Variants in COBL observed in about 807,000 individuals in gnomAD.
The protein encoded by COBL is protein cordon-bleu.
Under a neutral mutation model 98.8 loss-of-function variants are expected in COBL, and 51 were observed. The ratio of observed to expected loss-of-function variants is 0.52; its 90% CI spans 0.41 to 0.65. The LOEUF is 0.65. COBL is among the 30% of genes least tolerant of loss of function. The probability of loss-of-function intolerance (pLI) is 0.00; values close to 1 mark genes in which losing one functional copy is unlikely to be tolerated. For synonymous variants in COBL, 634 were observed against 651.7 expected, an observed-to-expected ratio of 0.97 and a Z score of 0.41; for missense variants, 1,617 against 1,617.5, an observed-to-expected ratio of 1.00 and a Z score of 0.01.
chr7:51,119,816 T>C (rs558389830), intron 6 of COBL, among the ~76,000 whole-genome samples: 8 of 152,364 alleles, frequency 5.3e-5, no homozygotes, highest in Admixed American at 2.6e-4. Flanking sequence ...TATTAATACA[T>C]TAACTCTTCA....
intron 6 of COBL, among the ~76,000 whole-genome samples, chr7:51,128,243 T>C (rs1333929542): frequency 6.6e-6 from 1 of 152,212 alleles, no homozygotes; most frequent in African/African-American, 2.4e-5. Flanking sequence ...GAGACTCAGT[T>C]TCCACAACTC....
intron 8 of COBL, chr7:51,032,242 G>A (rs1429602279): frequency 6.6e-6 from 1 of 152,214 alleles, no homozygotes; most frequent in Non-Finnish European, 1.5e-5. Context: ...CCAGGAAGAT[G>A]TCAACCCGTC....
intron 7 of COBL, among the ~76,000 whole-genome samples, chr7:51,082,099 C>T (rs1408431117): frequency 6.6e-6 from 1 of 152,040 alleles, no homozygotes; most frequent in Non-Finnish European, 1.5e-5. Context: ...ATCTTCTTTA[C>T]CCAGAAGCTG....
At chr7:51,136,389 T>C in intron 5 of COBL, 58 bp from the exon 6 acceptor site, 1 of 1,516,776 alleles carries the variant, frequency 6.6e-7, no homozygotes, top group Non-Finnish European at 8.9e-7. Flanking sequence ...TCTCCCCGTA[T>C]GAATGCTCAC....
At chr7:51,044,699 G>A (rs1266676261) in intron 7 of COBL, among the ~76,000 whole-genome samples, 1 of 152,142 alleles carries the variant, frequency 6.6e-6, no homozygotes, top group South Asian at 2.1e-4. Flanking sequence ...CCCCTAAATA[G>A]TCACTGGATG....
chr7:51,054,298 T>C (rs540432102), intron 7 of COBL, among the ~76,000 whole-genome samples: 3 of 152,374 alleles, frequency 2.0e-5, no homozygotes, highest in Non-Finnish European at 2.9e-5. Context: ...TATTTCCTTA[T>C]GGACGGCTTT....
intron 6 of COBL, among the ~76,000 whole-genome samples, chr7:51,129,755 A>C (rs1157059630): frequency 6.6e-6 from 1 of 152,034 alleles, no homozygotes; most frequent in African/African-American, 2.4e-5. Flanking sequence ...TGCTAGGGAG[A>C]GGCAGGTGAA....
At chr7:51,056,637 G>C (rs886721387) in intron 7 of COBL, among the ~76,000 whole-genome samples, 3 of 152,110 alleles carry the variant, frequency 2.0e-5, no homozygotes, top group South Asian at 2.1e-4. Context: ...ACCTGGTTCT[G>C]GACTAAGGAA....
At chr7:51,161,873 A>G (rs1467328749) in intron 5 of COBL, among the ~76,000 whole-genome samples, 1 of 152,236 alleles carries the variant, frequency 6.6e-6, no homozygotes, top group Non-Finnish European at 1.5e-5. Flanking sequence ...GTCCTGGTGA[A>G]TAACAGAACC....
rs759504061 is a variant in COBL, at chr7:51,043,534, G to C, written c.1255C>G (p.Leu419Val). The C allele has an allele frequency of 3.1e-6, 5 of 1,614,238 alleles. No individual in the cohort carries two copies. The highest frequency in any genetic ancestry group is 4.2e-6 in the Non-Finnish European group (5 of 1,180,040). Residue 419 changes from leucine (L) to valine (V), a missense_variant, in exon 8 of 13, where the codon CTG (leucine) becomes GTG (valine). Physicochemically the swap from Leu to Val is conservative, Grantham distance 32 (BLOSUM62 1). Coordinates refer to ENST00000265136, the MANE Select transcript of COBL (RefSeq NM_015198.5). Reference sequence around the variant, plus strand: ...TTCATGCTGTCCTGCTGCGAGTCCAGAGAGACGATGTCTGAGGGGGAACTC... The same window carrying C: ...TTCATGCTGTCCTGCTGCGAGTCCACAGAGACGATGTCTGAGGGGGAACTC... Reference protein sequence around the residue: ...VMSSPSDIVSLDSQQDSMKYK... With the variant: ...VMSSPSDIVSVDSQQDSMKYK...
At chr7:51,121,632 G>A (rs1046382511) in intron 6 of COBL, among the ~76,000 whole-genome samples, 3 of 152,218 alleles carry the variant, frequency 2.0e-5, no homozygotes, top group African/African-American at 7.2e-5. Context: ...GTAAGTTCAA[G>A]ACGAGATGGT....
intron 2 of COBL, among the ~76,000 whole-genome samples, chr7:51,196,900 T>C (rs936785130): frequency 6.6e-6 from 1 of 152,132 alleles, no homozygotes; most frequent in East Asian, 1.9e-4. Flanking sequence ...GTTGTGTTTA[T>C]ATACATCTCC....
intron 6 of COBL, among the ~76,000 whole-genome samples, chr7:51,090,022 T>C (rs1170491827): frequency 6.6e-6 from 1 of 152,226 alleles, no homozygotes; most frequent in African/African-American, 2.4e-5. Flanking sequence ...TAAAACACTC[T>C]GTAATTTTAT....
At chr7:51,269,285 G>A (rs1798533553) in intron 1 of COBL, among the ~76,000 whole-genome samples, 1 of 152,164 alleles carries the variant, frequency 6.6e-6, no homozygotes, top group Admixed American at 6.5e-5. Context: ...TTCCTTTAGG[G>A]GCCTGGCTGA....
intron 5 of COBL, among the ~76,000 whole-genome samples, chr7:51,173,899 TACACACATTC>T (rs922612025): frequency 1.7e-4 from 26 of 152,202 alleles, no homozygotes; most frequent in African/African-American, 6.0e-4. Flanking sequence ...TAATATTTTA[TACACACATTC>T]ACACACATAT....
chr7:51,144,917 T>G (rs1410807871), intron 5 of COBL, among the ~76,000 whole-genome samples: 1 of 152,260 alleles, frequency 6.6e-6, no homozygotes, highest in Non-Finnish European at 1.5e-5. Flanking sequence ...ATATACCACA[T>G]TCTTATCCAC....
At chr7:51,236,427 C>T (rs1584267476) in intron 1 of COBL, among the ~76,000 whole-genome samples, 1 of 152,222 alleles carries the variant, frequency 6.6e-6, no homozygotes, top group East Asian at 1.9e-4. Context: ...GGGGAGGAGG[C>T]TTGGGGCTCA....
chr7:51,041,604 CT>C (rs1191453179), intron 8 of COBL, among the ~76,000 whole-genome samples: 1 of 151,300 alleles, frequency 6.6e-6, no homozygotes, highest in African/African-American at 2.4e-5. Flanking sequence ...TTGCCTCAGC[CT>C]CCCAAGCAGC....
At chr7:51,096,763 A>G (rs1425950200) in intron 6 of COBL, among the ~76,000 whole-genome samples, 1 of 152,156 alleles carries the variant, frequency 6.6e-6, no homozygotes, top group African/African-American at 2.4e-5. Context: ...ATAGATTTCT[A>G]CAAACATATA....
Sources: allele counts gnomAD v4.1 joint callset (sites outside exome capture counted in the v4.1 genomes callset), GRCh38; gene constraint gnomAD v4.1.1; transcripts MANE v1.5; gene names NCBI Gene and HGNC (gene_info 2026-07-23, HGNC 2026-07-21).